Variants in MYCBP2 observed in about 807,000 individuals in gnomAD.
MYCBP2 encodes E3 ubiquitin-protein ligase MYCBP2.
MYCBP2 carries 120 observed loss-of-function variants against 525.3 expected under a neutral mutation model. That is an observed-to-expected ratio of 0.23 (90% CI 0.20 to 0.27). The LOEUF is 0.27. MYCBP2 is among the 10% of genes least tolerant of loss of function. MYCBP2 has a pLI of 1.00. For missense variants in MYCBP2, 4,149 were observed against 5,657.1 expected (o/e 0.73, Z 8.55); for synonymous variants, 1,894 against 1,955.8 (o/e 0.97, Z 0.83).
At chr13:77,245,366 C>A (rs2069670159) in intron 15 of MYCBP2, among the ~76,000 whole-genome samples, 1 of 152,026 alleles carries the variant, frequency 6.6e-6, no homozygotes, top group African/African-American at 2.4e-5. Context: ...AAATGCTCAT[C>A]AATGATAGGT....
intron 3 of MYCBP2, among the ~76,000 whole-genome samples, chr13:77,279,356 T>G (rs1185698925): frequency 1.3e-5 from 2 of 152,168 alleles, no homozygotes; most frequent in African/African-American, 2.4e-5. Context: ...GCTAAAAATA[T>G]CACTGGTACT....
At chr13:77,115,408 A>C (rs2049560381) in intron 55 of MYCBP2, among the ~76,000 whole-genome samples, 1 of 151,938 alleles carries the variant, frequency 6.6e-6, no homozygotes. Context: ...AAAATTCTAT[A>C]TACATACTTT....
chr13:77,166,624 ATGTGTG>A, intron 40 of MYCBP2, 70 bp from the exon 41 acceptor site: 1 of 1,016,764 alleles, frequency 9.8e-7, no homozygotes, highest in Admixed American at 2.2e-5. Context: ...CTGCATCTGT[ATGTGTG>A]TGTGTGTCTA....
intron 55 of MYCBP2, among the ~76,000 whole-genome samples, chr13:77,105,066 C>T (rs1029808172): frequency 9.9e-5 from 15 of 151,970 alleles, no homozygotes; most frequent in Non-Finnish European, 1.5e-4. Flanking sequence ...CGAACTAGAA[C>T]GGTGGCAGCC....
intron 40 of MYCBP2, among the ~76,000 whole-genome samples, chr13:77,167,329 G>T (rs1193193243): frequency 6.6e-6 from 1 of 152,050 alleles, no homozygotes; most frequent in East Asian, 1.9e-4. Flanking sequence ...AACATATAAA[G>T]GGAGCCTGGA....
intron 54 of MYCBP2, among the ~76,000 whole-genome samples, chr13:77,124,811 A>G (rs2051370179): frequency 6.6e-6 from 1 of 152,186 alleles, no homozygotes; most frequent in Non-Finnish European, 1.5e-5. Flanking sequence ...AGAGAGGGGG[A>G]CAAAAAGGAA....
chr13:77,133,294 G>T (rs777088243), intron 52 of MYCBP2, among the ~76,000 whole-genome samples: 15 of 152,122 alleles, frequency 9.9e-5, no homozygotes, highest in Admixed American at 1.3e-4. Context: ...TCACAATGAG[G>T]ATTAAATGAG....
At chr13:77,167,018 CACACACA>C (rs1229621860) in intron 40 of MYCBP2, among the ~76,000 whole-genome samples, 1,521 of 135,770 alleles carry the variant, frequency 0.011, 21 homozygotes, top group African/African-American at 0.037. Flanking sequence ...CACACACACA[CACACACA>C]CCAAATGAAA....
intron 32 of MYCBP2, 21 bp from the exon 33 acceptor site, chr13:77,181,943 G>A (rs985630332): frequency 7.1e-5 from 113 of 1,587,060 alleles, no homozygotes; most frequent in Non-Finnish European, 9.6e-5. Flanking sequence ...CAAAAATATG[G>A]CCCCCCAACC....
intron 55 of MYCBP2, among the ~76,000 whole-genome samples, chr13:77,113,464 A>G (rs1054485839): frequency 6.6e-6 from 1 of 152,064 alleles, no homozygotes; most frequent in African/African-American, 2.4e-5. Context: ...CAGAGTAGAT[A>G]CTTAACAAAA....
intron 20 of MYCBP2, among the ~76,000 whole-genome samples, chr13:77,221,403 C>A (rs2065540686): frequency 6.6e-6 from 1 of 152,118 alleles, no homozygotes; most frequent in Non-Finnish European, 1.5e-5. Flanking sequence ...TGAACACCTT[C>A]CCTCTCAGCG....
At chr13:77,249,188 T>G (rs563467678) in intron 15 of MYCBP2, among the ~76,000 whole-genome samples, 16 of 152,198 alleles carry the variant, frequency 1.1e-4, no homozygotes, top group Non-Finnish European at 1.9e-4. Flanking sequence ...TGGAGATGCA[T>G]GGTGGTAATA....
intron 55 of MYCBP2, among the ~76,000 whole-genome samples, chr13:77,110,870 C>T (rs2048703055): frequency 6.6e-6 from 1 of 152,166 alleles, no homozygotes; most frequent in African/African-American, 2.4e-5. Flanking sequence ...CAAGAATTCT[C>T]TCATCTCAAA....
chr13:77,160,169 C>T (rs1163356636), intron 44 of MYCBP2, among the ~76,000 whole-genome samples: 3 of 151,312 alleles, frequency 2.0e-5, no homozygotes, highest in South Asian at 2.1e-4. Flanking sequence ...CGGGTTCAAG[C>T]GATTCTCCTG....
chr13:77,145,349 T>C (rs1566697912), intron 48 of MYCBP2, among the ~76,000 whole-genome samples: 1 of 152,184 alleles, frequency 6.6e-6, no homozygotes, highest in African/African-American at 2.4e-5. Context: ...GCTTTTTTCT[T>C]ATCTCACTGG....
intron 1 of MYCBP2, among the ~76,000 whole-genome samples, chr13:77,310,977 T>C (rs1305634042): frequency 1.3e-5 from 2 of 152,134 alleles, no homozygotes; most frequent in African/African-American, 4.8e-5. Flanking sequence ...ACAAAAAAAG[T>C]ACTTCAGGAC....
intron 62 of MYCBP2, among the ~76,000 whole-genome samples, chr13:77,085,314 C>T (rs1172113359): frequency 6.9e-6 from 1 of 145,380 alleles, no homozygotes; most frequent in Non-Finnish European, 1.5e-5. Context: ...GGGAAGAAAA[C>T]CAATTATTTC....
chr13:77,277,335 A>G (rs1171428340), intron 4 of MYCBP2, among the ~76,000 whole-genome samples: 1 of 152,226 alleles, frequency 6.6e-6, no homozygotes, highest in Non-Finnish European at 1.5e-5. Context: ...TGGTGCTATC[A>G]TAACAATAAC....
At chr13:77,245,853 C>CACACACACACATATATAT in intron 15 of MYCBP2, among the ~76,000 whole-genome samples, 1 of 34,204 alleles carries the variant, frequency 2.9e-5, no homozygotes, top group Admixed American at 5.1e-4. Context: ...TATATGTATA[C>CACACACACACATATATAT]ACACACACAC....
Sources: gnomAD v4.1 joint callset for allele counts (sites outside exome capture counted in the v4.1 genomes callset) on GRCh38, gnomAD v4.1.1 for gene constraint, MANE v1.5 for transcripts, NCBI Gene and HGNC (gene_info 2026-07-23, HGNC 2026-07-21) for gene names.